The following NF1 variants were observed in gnomAD, a reference collection of about 807,000 sequenced individuals.
NF1 encodes the protein neurofibromin 1.
NF1 carries 122 observed loss-of-function variants against 325.7 expected under a neutral mutation model. That is an observed-to-expected ratio of 0.37 (90% CI 0.32 to 0.44). The LOEUF is 0.44. Among genes scored for constraint, NF1 ranks in the 20% least tolerant of loss-of-function variants. The probability of loss-of-function intolerance (pLI) is 1.00; values close to 1 mark genes in which losing one functional copy is unlikely to be tolerated. For synonymous variants in NF1, 1,091 were observed against 1,186.0 expected (o/e 0.92, Z 1.65); for missense variants, 2,140 against 3,415.4 (o/e 0.63, Z 9.31).
At chr17:31,310,018 A>G (rs1316548091) in intron 36 of NF1, among the ~76,000 whole-genome samples, 3 of 152,208 alleles carry the variant, frequency 2.0e-5, no homozygotes, top group Non-Finnish European at 4.4e-5. Context: ...GAAAGATTTA[A>G]AAGAGGAATA....
rs2068250378 is a variant in NF1 at position 31,287,358 on chromosome 17, G to A, written c.4835+22019G>A. On this transcript the variant is annotated intron_variant, in intron 36 of 57. Transcript: ENST00000358273. ...TTCTTAACCATATTTTTTATCAGAGGACACATTTAATCACTTGCCCAAGGT... is the reference window on the plus strand; with the variant it reads ...TTCTTAACCATATTTTTTATCAGAGAACACATTTAATCACTTGCCCAAGGT... Among the ~76,000 whole-genome samples the A allele has an allele frequency of 2.0e-5, 3 of 152,118 alleles. No individual in the cohort carries two copies. In the South Asian group the frequency reaches 6.2e-4, roughly 31 times the overall value.
At chr17:31,227,456 G>A (rs771516085) in intron 19 of NF1, 67 bp from the exon 20 acceptor site, 1 of 1,538,686 alleles carries the variant, frequency 6.5e-7, no homozygotes, top group Non-Finnish European at 9.0e-7. Flanking sequence ...TTTGAAACTT[G>A]GCTGTAGCTG....
At position 31,223,482 on chromosome 17, in the gene NF1, G is replaced by A. The variant is rs1327101856; in HGVS notation, c.1760G>A (p.Ser587Asn). The change falls in exon 16 of 58, where the codon AGT (serine) becomes AAT (asparagine). Residue 587 changes from serine (S) to asparagine (N), a missense_variant. Transcript: ENST00000358273. ...TTTTACATCTGCAAGAAATTAACTA[G>A]TCATCAAATGCTTAGTAGCACAGAA... ...MLFYICKKLT[S>N]HQMLSSTEIL... The A allele has an allele frequency of 6.2e-7, 1 of 1,612,788 alleles. No individual in the cohort carries two copies. The highest frequency in any genetic ancestry group is 2.2e-5 in the East Asian group (1 of 44,786).
At position 31,127,931 on chromosome 17, in the gene NF1, T is replaced by G. The variant is rs570710808; in HGVS notation, c.61-28052T>G. Reference sequence around the variant, plus strand: ...TGTTGTTTTTAATTAATATTTTTTTTGTACATTGACCTCTTCTGTACCTTG... The same window carrying G: ...TGTTGTTTTTAATTAATATTTTTTTGGTACATTGACCTCTTCTGTACCTTG... On this transcript the variant is annotated intron_variant, in intron 1 of 57. Coordinates refer to ENST00000358273, the MANE Select transcript of NF1 (RefSeq NM_001042492.3). Among the ~76,000 whole-genome samples, 3 of 152,252 alleles carry G rather than the reference T, an allele frequency of 2.0e-5. No homozygotes were observed. The East Asian group carries it at 5.8e-4, about 29-fold the overall frequency.
At chr17:31,349,616 C>T (rs1245132972) in intron 49 of NF1, among the ~76,000 whole-genome samples, 1 of 152,160 alleles carries the variant, frequency 6.6e-6, no homozygotes, top group African/African-American at 2.4e-5. Context: ...TTTATTACCA[C>T]TCCAAATGGA....
At chr17:31,371,107 T>G (rs1178509465) in intron 57 of NF1, among the ~76,000 whole-genome samples, 1 of 152,180 alleles carries the variant, frequency 6.6e-6, no homozygotes, top group African/African-American at 2.4e-5. Context: ...GAATTACAGG[T>G]ATCTAGCTAT....
At chr17:31,248,192 A>C (rs1027054230) in intron 29 of NF1, among the ~76,000 whole-genome samples, 18 of 150,420 alleles carry the variant, frequency 1.2e-4, no homozygotes, top group Admixed American at 6.6e-5. Context: ...ACGAGAGTGA[A>C]ACTCCATCCC....
chr17:31,180,119 A>G (rs2143766833), intron 5 of NF1, among the ~76,000 whole-genome samples: 2 of 152,322 alleles, frequency 1.3e-5, no homozygotes, highest in Admixed American at 1.3e-4. Context: ...TAGCCTACCA[A>G]CCAAAAAAAG....
chr17:31,095,820 T>C (rs1911644990), intron 1 of NF1, among the ~76,000 whole-genome samples: 1 of 152,142 alleles, frequency 6.6e-6, no homozygotes. Context: ...GAGCGAACCC[T>C]AAGGCCTGTC....
At chr17:31,248,893 T>C in intron 29 of NF1, 91 bp from the exon 30 acceptor site, 1 of 1,306,224 alleles carries the variant, frequency 7.7e-7, no homozygotes. Context: ...TGCACTTGGC[T>C]TAATGTCTGT....
intron 36 of NF1, among the ~76,000 whole-genome samples, chr17:31,266,568 A>G (rs959494199): frequency 3.3e-5 from 5 of 152,156 alleles, no homozygotes; most frequent in African/African-American, 4.8e-5. Context: ...GATGAACCAT[A>G]TTTGTATTCT....
In NF1 at chr17:31,344,165, G is replaced by A. The variant is rs1377527229; in HGVS notation, c.7189+1030G>A. Among the ~76,000 whole-genome samples the A allele has an allele frequency of 2.0e-5, 3 of 152,036 alleles. No individual in the cohort carries two copies. The East Asian group carries it at 5.8e-4, about 29-fold the overall frequency. Reference sequence around the variant, plus strand: ...TTCTTCAACTTGTTTATAGTTTATTGTTGATTAATACTATTATTTTATACC... The same window carrying A: ...TTCTTCAACTTGTTTATAGTTTATTATTGATTAATACTATTATTTTATACC... On this transcript the variant is annotated intron_variant, in intron 48 of 57. Coordinates refer to ENST00000358273, the MANE Select transcript of NF1 (RefSeq NM_001042492.3).
intron 36 of NF1, chr17:31,314,569 T>G (rs2068972735): frequency 6.6e-6 from 1 of 152,242 alleles, no homozygotes; most frequent in African/African-American, 2.4e-5. Context: ...AATGTAATGT[T>G]ATTTCCTCAT....
At chr17:31,268,903 G>C (rs748875477) in intron 36 of NF1, among the ~76,000 whole-genome samples, 1 of 151,538 alleles carries the variant, frequency 6.6e-6, no homozygotes, top group African/African-American at 2.4e-5. Flanking sequence ...ATGAGGTTTT[G>C]CTATGTTGCG....
rs201891488 is a variant in NF1 at position 31,230,320 on chromosome 17, A to G, written c.3051A>G (p.Gln1017=). The part of the protein sequence containing the change: ...HAIQIKTKLC[Q]LVEVMMARRD... Reference sequence around the variant, plus strand: ...TTCAAATAAAAACGAAACTGTGTCAATTAGTTGAAGTAATGATGGCAAGGA... The same window carrying G: ...TTCAAATAAAAACGAAACTGTGTCAGTTAGTTGAAGTAATGATGGCAAGGA... Residue 1017 remains glutamine (Q), a synonymous_variant, in exon 23 of 58, where the codon CAA becomes CAG. Transcript: ENST00000358273. 2 of 1,613,500 alleles carry G rather than the reference A, an allele frequency of 1.2e-6. No homozygotes were observed. The highest frequency in any genetic ancestry group is 2.2e-5 in the East Asian group (1 of 44,808).
chr17:31,141,624 A>G (rs1351543778), intron 1 of NF1, among the ~76,000 whole-genome samples: 1 of 152,228 alleles, frequency 6.6e-6, no homozygotes, highest in African/African-American at 2.4e-5. Flanking sequence ...TGCAAAACAC[A>G]TTACTTCAAA....
At chr17:31,157,051 A>G (rs1348752516) in intron 2 of NF1, among the ~76,000 whole-genome samples, 2 of 152,092 alleles carry the variant, frequency 1.3e-5, no homozygotes, top group Non-Finnish European at 2.9e-5. Context: ...CAGTGGCGCA[A>G]TCTCGGCTTA....
At chr17:31,134,480 T>C (rs1021623748) in intron 1 of NF1, among the ~76,000 whole-genome samples, 2 of 151,888 alleles carry the variant, frequency 1.3e-5, no homozygotes, top group African/African-American at 4.9e-5. Flanking sequence ...TTTATTGTTA[T>C]GTTATAAATT....
intron 1 of NF1, among the ~76,000 whole-genome samples, chr17:31,126,362 C>G (rs1567801239): frequency 6.6e-6 from 1 of 151,910 alleles, no homozygotes; most frequent in African/African-American, 2.4e-5. Flanking sequence ...TGTGAAGTGT[C>G]TGTATATACT....
Sources: allele counts gnomAD v4.1 joint callset (sites outside exome capture counted in the v4.1 genomes callset), GRCh38; gene constraint gnomAD v4.1.1; transcripts MANE v1.5; gene names NCBI Gene and HGNC (gene_info 2026-07-23, HGNC 2026-07-21).